The following ADARB2 variants were observed in gnomAD, a reference collection of about 807,000 sequenced individuals.
ADARB2 encodes the protein inactive double-stranded RNA-specific editase B2.
A neutral mutation model predicts 62.2 loss-of-function variants in ADARB2; 25 were observed. That is an observed-to-expected ratio of 0.40 (90% CI 0.29 to 0.56). The LOEUF is 0.56. Among genes scored for constraint, ADARB2 ranks in the 20% least tolerant of loss-of-function variants. ADARB2 has a pLI of 0.43. For synonymous variants in ADARB2, 572 were observed against 500.8 expected, an observed-to-expected ratio of 1.14 and a Z score of -1.90; for missense variants, 1,071 against 1,077.4, an observed-to-expected ratio of 0.99 and a Z score of 0.08.
At chr10:1,548,421 C>T (rs2813353) in intron 1 of ADARB2, among the ~76,000 whole-genome samples, 2,485 of 152,320 alleles carry the variant, frequency 0.016, 64 homozygotes, top group African/African-American at 0.055. Flanking sequence ...AGGGGGGTTT[C>T]GGGGACCCCC....
chr10:1,358,799 A>G (rs1832221313), intron 3 of ADARB2, among the ~76,000 whole-genome samples: 1 of 152,190 alleles, frequency 6.6e-6, no homozygotes, highest in African/African-American at 2.4e-5. Flanking sequence ...TTTAAAAAAC[A>G]AAGAAATAAA....
At chr10:1,276,915 C>T (rs369741392) in intron 3 of ADARB2, among the ~76,000 whole-genome samples, 2 of 152,202 alleles carry the variant, frequency 1.3e-5, no homozygotes, top group African/African-American at 4.8e-5. Context: ...TCTTTCAGAC[C>T]ACAGTGCAAT....
Position 1,410,506 on chromosome 10 carries a change from C to T in ADARB2, c.101-31346G>A, listed in dbSNP as rs901756413. On this transcript the variant is annotated intron_variant, in intron 1 of 9. Transcript: ENST00000381312. ...GGAGTGATGTATTCCCTTCTCCAGG[C>T]GGGCAGACAACAGAGATGTCAATTA... Among the ~76,000 whole-genome samples, 16 of 152,170 alleles carry T rather than the reference C, an allele frequency of 1.1e-4. 1 individual carries two copies. Among genetic ancestry groups the T allele is most frequent in the Non-Finnish European group, 2.4e-4 (16 of 68,030 alleles).
At chr10:1,399,549 C>G (rs758313374) in intron 1 of ADARB2, among the ~76,000 whole-genome samples, 1 of 152,160 alleles carries the variant, frequency 6.6e-6, no homozygotes, top group Non-Finnish European at 1.5e-5. Flanking sequence ...TGGGGTCCCT[C>G]TGCCTCTCAG....
intron 1 of ADARB2, among the ~76,000 whole-genome samples, chr10:1,536,375 ATTTATTG>A (rs1384636485): frequency 2.0e-5 from 3 of 152,204 alleles, no homozygotes; most frequent in Admixed American, 2.0e-4. Flanking sequence ...AGAAATAAAC[ATTTATTG>A]TTTAAACTAA....
At chr10:1,577,670 G>C (rs911967970) in intron 1 of ADARB2, among the ~76,000 whole-genome samples, 1 of 152,162 alleles carries the variant, frequency 6.6e-6, no homozygotes, top group Non-Finnish European at 1.5e-5. Context: ...TGGGTGGAGC[G>C]AATGTGCAGC....
At chr10:1,655,651 C>A (rs535658425) in intron 1 of ADARB2, among the ~76,000 whole-genome samples, 2 of 151,644 alleles carry the variant, frequency 1.3e-5, no homozygotes, top group African/African-American at 4.8e-5. Context: ...AGATGGAAAA[C>A]CACATTAGAA....
chr10:1,494,111 C>T (rs549336806), intron 1 of ADARB2, among the ~76,000 whole-genome samples: 3 of 152,182 alleles, frequency 2.0e-5, no homozygotes, highest in Admixed American at 1.3e-4. Flanking sequence ...CAGAATGATC[C>T]ATTTGCATGG....
Position 1,665,018 on chromosome 10 carries a change from C to G in ADARB2, c.100+72033G>C, listed in dbSNP as rs115619565. Among the ~76,000 whole-genome samples, 515 of 152,210 alleles carry G rather than the reference C, an allele frequency of 3.4e-3. 4 individuals carry two copies. The highest frequency in any genetic ancestry group is 0.012 in the African/African-American group (486 of 41,542). ...CCATGAGATTCAAGGTGAGTCATGCCGACACCTTGACCAGGGGCAAGGGGG... is the reference window on the plus strand; with the variant it reads ...CCATGAGATTCAAGGTGAGTCATGCGGACACCTTGACCAGGGGCAAGGGGG... On this transcript the variant is annotated intron_variant, in intron 1 of 9. Transcript: ENST00000381312.
intron 1 of ADARB2, among the ~76,000 whole-genome samples, chr10:1,621,315 A>G (rs1162966150): frequency 6.6e-6 from 1 of 152,208 alleles, no homozygotes; most frequent in Non-Finnish European, 1.5e-5. Context: ...GTCTTTTTAT[A>G]TATTACTAAC....
At chr10:1,225,068 T>A (rs4540773) in intron 6 of ADARB2, among the ~76,000 whole-genome samples, 120,097 of 151,460 alleles carry the variant, frequency 0.79, 47,869 homozygotes, top group African/African-American at 0.88. Context: ...TTTGTAGGTC[T>A]CTAAGGACTT....
rs996731074 is a variant in ADARB2, at chr10:1,444,995, C to T, written c.101-65835G>A. On this transcript the variant is annotated intron_variant, in intron 1 of 9. Coordinates refer to ENST00000381312, the MANE Select transcript of ADARB2 (RefSeq NM_018702.4). ...CTCATCCATCCACTCACAATCCATC[C>T]ATCTACATTCATCCGTCCATCCACT... 4.0e-5 allele frequency among the ~76,000 whole-genome samples: 6 copies of T among 149,832 alleles called. No individual in the cohort carries two copies. In the East Asian group the frequency reaches 1.0e-3, roughly 25 times the overall value.
intron 3 of ADARB2, among the ~76,000 whole-genome samples, chr10:1,343,008 G>C (rs1366138080): frequency 6.6e-6 from 1 of 152,086 alleles, no homozygotes; most frequent in Non-Finnish European, 1.5e-5. Context: ...ACAAGAACAG[G>C]GTGTGGTCAT....
chr10:1,303,523 G>C (rs1017894209), intron 3 of ADARB2, among the ~76,000 whole-genome samples: 1 of 152,112 alleles, frequency 6.6e-6, no homozygotes, highest in African/African-American at 2.4e-5. Context: ...GGGAAATACA[G>C]AGAATGCCAC....
At position 1,332,769 on chromosome 10, in the gene ADARB2, G is replaced by A. The variant is rs117074847; in HGVS notation, c.1077+30259C>T. 1.2e-4 allele frequency among the ~76,000 whole-genome samples: 18 copies of A among 152,308 alleles called. No individual in the cohort carries two copies. The East Asian group carries it at 3.1e-3, about 26-fold the overall frequency. On this transcript the variant is annotated intron_variant, in intron 3 of 9. Coordinates refer to ENST00000381312, the MANE Select transcript of ADARB2 (RefSeq NM_018702.4). ...ACTGGTTAATTTGATTAATTCAGATGAGATATATCAATTTATTTGAGGAAA... is the reference window on the plus strand; with the variant it reads ...ACTGGTTAATTTGATTAATTCAGATAAGATATATCAATTTATTTGAGGAAA...
chr10:1,676,474 G>A (rs1437715621), intron 1 of ADARB2, among the ~76,000 whole-genome samples: 2 of 152,180 alleles, frequency 1.3e-5, no homozygotes, highest in African/African-American at 2.4e-5. Flanking sequence ...CTTTAATGGT[G>A]CACCTGAGAG....
At chr10:1,668,650 T>C (rs7095548) in intron 1 of ADARB2, among the ~76,000 whole-genome samples, 35,987 of 152,160 alleles carry the variant, frequency 0.24, 4,616 homozygotes, top group Middle Eastern at 0.31. Flanking sequence ...GGACCAACAC[T>C]GTCACCATCT....
intron 1 of ADARB2, among the ~76,000 whole-genome samples, chr10:1,552,907 G>T (rs551237264): frequency 8.1e-6 from 1 of 123,466 alleles, no homozygotes; most frequent in Non-Finnish European, 1.8e-5. Context: ...CCTGTGGAAC[G>T]GAACCCTTAA....
At chr10:1,185,317 C>T (rs999754921) in intron 8 of ADARB2, among the ~76,000 whole-genome samples, 1 of 151,884 alleles carries the variant, frequency 6.6e-6, no homozygotes, top group African/African-American at 2.4e-5. Context: ...CGTCCAGATT[C>T]CCCCCCCTTC....
Sources: allele counts gnomAD v4.1 joint callset (sites outside exome capture counted in the v4.1 genomes callset), GRCh38; gene constraint gnomAD v4.1.1; transcripts MANE v1.5; gene names NCBI Gene and HGNC (gene_info 2026-07-23, HGNC 2026-07-21).